Variants in PSMA5 observed in about 807,000 individuals in gnomAD.
PSMA5 encodes proteasome 20S subunit alpha 5, also known as proteasome subunit alpha type-5.
Under a neutral mutation model 34.5 loss-of-function variants are expected in PSMA5, and 3 were observed. That is an observed-to-expected ratio of 0.09 (90% CI 0.04 to 0.22). The LOEUF (loss-of-function observed/expected upper bound fraction) is 0.22. Among genes scored for constraint, PSMA5 ranks in the 10% least tolerant of loss-of-function variants. The pLI is 1.00. For synonymous variants in PSMA5, 88 were observed against 95.8 expected, an observed-to-expected ratio of 0.92 and a Z score of 0.47; for missense variants, 120 against 286.1, an observed-to-expected ratio of 0.42 and a Z score of 4.19.
At chr1:109,421,634 A>G (rs1654449217) in intron 2 of PSMA5, among the ~76,000 whole-genome samples, 1 of 152,182 alleles carries the variant, frequency 6.6e-6, no homozygotes, top group Non-Finnish European at 1.5e-5. Flanking sequence ...CCCCACTGAG[A>G]AAAAGCTATT....
At chr1:109,417,288 A>G (rs1317836445) in intron 2 of PSMA5, among the ~76,000 whole-genome samples, 2 of 152,232 alleles carry the variant, frequency 1.3e-5, no homozygotes, top group African/African-American at 4.8e-5. Context: ...GAAGCTAAAA[A>G]GAAGATAGGT....
chr1:109,424,882 G>C (rs891224078), intron 1 of PSMA5, among the ~76,000 whole-genome samples: 3 of 152,240 alleles, frequency 2.0e-5, no homozygotes, highest in Non-Finnish European at 2.9e-5. Flanking sequence ...AGCTACTCGG[G>C]AGGCTGAGGC....
Position 109,426,424 on chromosome 1 carries a change from A to G in PSMA5, c.-94T>C, listed in dbSNP as rs1654670439. On this transcript the variant is annotated 5_prime_UTR_variant, in exon 1 of 9. Coordinates refer to ENST00000271308, the MANE Select transcript of PSMA5 (RefSeq NM_002790.4). The stretch of plus-strand genomic sequence containing the variant: ...ACTCACCGGCAGCCAACTCACCCAC[A>G]CGGCCGCAGTACTAAGGACCAACTG... The G allele has an allele frequency of 6.7e-7, 1 of 1,499,780 alleles. No homozygotes were observed. Among genetic ancestry groups the G allele is most frequent in the South Asian group, 1.1e-5 (1 of 88,710 alleles). 92.9% of individuals were successfully genotyped at this position (1,499,780 alleles called of 1,614,324 possible). A position where few individuals can be genotyped will look rare whatever the true frequency, so the allele number is the denominator to read the frequency against.
At chr1:109,414,301 C>T (rs1363583394) in intron 3 of PSMA5, among the ~76,000 whole-genome samples, 32 of 152,196 alleles carry the variant, frequency 2.1e-4, no homozygotes, top group Admixed American at 2.1e-3. Flanking sequence ...TTCATGGAAT[C>T]CTTTTCTGAA....
In PSMA5 at chr1:109,419,972, C is replaced by CAA. The variant is rs1159333248; in HGVS notation, c.96+1886_96+1887dup. Among the ~76,000 whole-genome samples the CAA allele has an allele frequency of 8.1e-3, 501 of 61,994 alleles. 7 individuals carry two copies. The highest frequency in any genetic ancestry group is 0.027 in the African/African-American group (480 of 17,810). The allele number at this position is 61,994 out of a possible 152,430, so 40.7% of individuals were successfully genotyped here. ...TGGGTGACAGAGCAAGACTCTGTCT[C>CAA]AAAAAAAAAAAAAAAAAGGAATCCT... On this transcript the variant is annotated intron_variant, in intron 2 of 8. Transcript: ENST00000271308.
intron 2 of PSMA5, among the ~76,000 whole-genome samples, chr1:109,420,771 T>C (rs925619341): frequency 6.6e-6 from 1 of 152,060 alleles, no homozygotes; most frequent in Admixed American, 6.5e-5. Flanking sequence ...TTTGGCAAAG[T>C]CTGGAGACAT....
rs747296031 is a variant in PSMA5, at chr1:109,426,298, G to A, written c.29+4C>T. 1 of 1,605,166 alleles carries A rather than the reference G, an allele frequency of 6.2e-7. No homozygotes were observed. The highest frequency in any genetic ancestry group is 1.3e-5 in the African/African-American group (1 of 74,782). Reference sequence around the variant, plus strand: ...CCCACCCGACGTCCCCCAGCTGCACGGACCTGTCGTACTCAGACCGGGTAA... The same window carrying A: ...CCCACCCGACGTCCCCCAGCTGCACAGACCTGTCGTACTCAGACCGGGTAA... On this transcript the variant is annotated splice_donor_region_variant and intron_variant, in intron 1 of 8. Transcript: ENST00000271308.
chr1:109,417,409 T>G (rs530957727), intron 2 of PSMA5, among the ~76,000 whole-genome samples: 2 of 152,306 alleles, frequency 1.3e-5, no homozygotes, highest in African/African-American at 4.8e-5. Context: ...CAAGGACCTC[T>G]GGAAATGGAA....
chr1:109,421,013 T>A, intron 2 of PSMA5, among the ~76,000 whole-genome samples: 1 of 129,528 alleles, frequency 7.7e-6, no homozygotes, highest in African/African-American at 3.1e-5. Flanking sequence ...AGACCACATC[T>A]CTACCAAAAA....
intron 2 of PSMA5, among the ~76,000 whole-genome samples, chr1:109,416,653 A>G (rs961022509): frequency 6.6e-6 from 1 of 152,212 alleles, no homozygotes; most frequent in African/African-American, 2.4e-5. Context: ...CTGAATGATC[A>G]TTTCACACGC....
intron 8 of PSMA5, among the ~76,000 whole-genome samples, chr1:109,404,727 C>T (rs918003751): frequency 6.6e-6 from 1 of 152,154 alleles, no homozygotes. Flanking sequence ...GCAGGTAGAA[C>T]AGATATTTTC....
chr1:109,423,300 G>A (rs563651348), intron 1 of PSMA5, among the ~76,000 whole-genome samples: 8 of 152,318 alleles, frequency 5.3e-5, no homozygotes, highest in African/African-American at 1.9e-4. Context: ...TTAGCTGGGC[G>A]TGGTGGCAGG....
intron 1 of PSMA5, chr1:109,425,632 G>C (rs1189029679): frequency 6.6e-6 from 1 of 152,126 alleles, no homozygotes; most frequent in South Asian, 2.1e-4. Flanking sequence ...GAAACTGAAA[G>C]TAAAAATGTC....
chr1:109,409,199 C>T (rs564211524), intron 8 of PSMA5, among the ~76,000 whole-genome samples: 3 of 152,316 alleles, frequency 2.0e-5, no homozygotes, highest in Admixed American at 2.0e-4. Context: ...CTCTATCGCC[C>T]AGGTTGGAGC....
chr1:109,401,903 A>G lies in PSMA5; in HGVS notation c.*110T>C. ...TGCCTTTATGTACAGACATCATTTA[A>G]AAAATGCACATACAATGGAGATTTT... On this transcript the variant is annotated 3_prime_UTR_variant, in exon 9 of 9. Coordinates refer to ENST00000271308, the MANE Select transcript of PSMA5 (RefSeq NM_002790.4). The G allele has an allele frequency of 1.2e-6, 1 of 826,776 alleles. No individual in the cohort carries two copies. 51.2% of individuals were successfully genotyped at this position (826,776 alleles called of 1,614,324 possible). A position where few individuals can be genotyped will look rare whatever the true frequency, so the allele number is the denominator to read the frequency against.
intron 2 of PSMA5, among the ~76,000 whole-genome samples, chr1:109,415,793 G>C (rs1654170589): frequency 6.6e-6 from 1 of 152,140 alleles, no homozygotes; most frequent in African/African-American, 2.4e-5. Flanking sequence ...GTCTTCTCTG[G>C]ACCTGGCCTC....
At chr1:109,426,267 A>G (rs1469390748) in intron 1 of PSMA5, 35 bp downstream of exon 1, 2 of 1,547,372 alleles carry the variant, frequency 1.3e-6, no homozygotes, top group Admixed American at 1.7e-5. Context: ...CTGCCCACCC[A>G]TAATTCCCAC....
At chr1:109,418,919 G>A (rs530528655) in intron 2 of PSMA5, among the ~76,000 whole-genome samples, 1 of 152,094 alleles carries the variant, frequency 6.6e-6, no homozygotes, top group Admixed American at 6.5e-5. Context: ...ATTTGGGAGG[G>A]TGAGGCGGGC....
chr1:109,420,715 T>C (rs534186301), intron 2 of PSMA5, among the ~76,000 whole-genome samples: 1 of 152,172 alleles, frequency 6.6e-6, no homozygotes, highest in Non-Finnish European at 1.5e-5. Flanking sequence ...ACTTTTTATC[T>C]AGAAGAGTGA....
Sources: allele counts gnomAD v4.1 joint callset (sites outside exome capture counted in the v4.1 genomes callset), GRCh38; gene constraint gnomAD v4.1.1; transcripts MANE v1.5; gene names NCBI Gene and HGNC (gene_info 2026-07-23, HGNC 2026-07-21).